ATR: variants seen among roughly 807,000 people sequenced by gnomAD.
ATR encodes the protein serine/threonine-protein kinase ATR.
In ATR, 142 loss-of-function variants were observed where a neutral mutation model predicts 305.3. The observed-to-expected ratio is 0.47, with a 90% CI of 0.41 to 0.53. ATR has a LOEUF of 0.53. Among genes scored for constraint, ATR ranks in the 20% least tolerant of loss-of-function variants. ATR has a pLI of 0.00. For missense variants in ATR, 2,135 were observed against 3,133.1 expected, an observed-to-expected ratio of 0.68 and a Z score of 7.60; for synonymous variants, 1,050 against 1,068.1, an observed-to-expected ratio of 0.98 and a Z score of 0.33.
At position 142,496,390 on chromosome 3, in the gene ATR, C is replaced by T. The variant is rs753319463; in HGVS notation, c.5869G>A (p.Val1957Met). The change falls in exon 34 of 47, where the codon GTG (valine) becomes ATG (methionine). Residue 1957 changes from valine to methionine, a missense_variant. Coordinates refer to ENST00000350721, the MANE Select transcript of ATR (RefSeq NM_001184.4). ...GACCAGAGCCACTTTGCCCTTTCCA[C>T]GTACAGTTCAGCGAGTCGTGATTCC... ...AGESRLAELYVERAKWLWSKG... is the reference protein window; with the variant it reads ...AGESRLAELYMERAKWLWSKG... 3.1e-5 allele frequency: 49 copies of T among 1,586,330 alleles called. 2 individuals carry two copies. Among genetic ancestry groups the T allele is most frequent in the South Asian group, 2.8e-4 (25 of 90,416 alleles).
intron 44 of ATR, among the ~76,000 whole-genome samples, chr3:142,458,219 A>G (rs931198726): frequency 6.6e-5 from 10 of 152,222 alleles, no homozygotes; most frequent in Non-Finnish European, 1.0e-4. Context: ...CATATAATGA[A>G]GTCCAGTTGT....
At chr3:142,505,011 T>G in intron 29 of ATR, 128 bp downstream of exon 29, 1 of 1,193,234 alleles carries the variant, frequency 8.4e-7, no homozygotes, top group Non-Finnish European at 1.2e-6. Flanking sequence ...GCCACTGCAC[T>G]CCAGCCTGGC....
intron 19 of ATR, among the ~76,000 whole-genome samples, chr3:142,537,076 T>C (rs2033886425): frequency 6.6e-6 from 1 of 152,108 alleles, no homozygotes; most frequent in African/African-American, 2.4e-5. Context: ...ACTCTGCTAG[T>C]CACTGGGGAT....
chr3:142,482,196 A>T (rs75755341), intron 36 of ATR, among the ~76,000 whole-genome samples: 10,433 of 152,102 alleles, frequency 0.069, 880 homozygotes, highest in African/African-American at 0.2. Context: ...AAGGTTTCTA[A>T]CCCTAATTGG....
intron 6 of ATR, among the ~76,000 whole-genome samples, chr3:142,559,865 C>CGG (rs2034813795): frequency 1.3e-5 from 2 of 152,184 alleles, no homozygotes; most frequent in South Asian, 4.1e-4. Context: ...CACTGTGCAC[C>CGG]AGCCTGGGAG....
chr3:142,553,732 G>A lies in ATR; in HGVS notation c.2541C>T (p.Val847=), dbSNP rs752079393. The A allele has an allele frequency of 6.2e-7, 1 of 1,612,112 alleles. No individual in the cohort carries two copies. Among genetic ancestry groups the A allele is most frequent in the Middle Eastern group, 1.7e-4 (1 of 6,056 alleles). Residue 847 remains valine, a synonymous_variant, in exon 12 of 47, where the codon GTC becomes GTT. Coordinates refer to ENST00000350721, the MANE Select transcript of ATR (RefSeq NM_001184.4). ...SEDGFIKELF[V]LRMKEAYTHA... ...GTGTATATGCTTCCTTCATTCTTAAGACAAAAAGCTAGAACAATAAAATTA... is the reference window on the plus strand; with the variant it reads ...GTGTATATGCTTCCTTCATTCTTAAAACAAAAAGCTAGAACAATAAAATTA...
At chr3:142,472,085 TTGTGTG>T (rs34342996) in intron 36 of ATR, 19,438 of 144,132 alleles carry the variant, frequency 0.13, 1,279 homozygotes, top group Non-Finnish European at 0.15. Flanking sequence ...TAGTATTCCA[TTGTGTG>T]TGTGTGTGTG....
chr3:142,460,450 T>C (rs1189740959), intron 42 of ATR, among the ~76,000 whole-genome samples: 3 of 151,824 alleles, frequency 2.0e-5, no homozygotes, highest in South Asian at 2.1e-4. Context: ...TATGAGAAAA[T>C]AGAGACACAG....
intron 36 of ATR, among the ~76,000 whole-genome samples, chr3:142,481,973 C>T (rs1318542058): frequency 1.3e-5 from 2 of 151,924 alleles, no homozygotes; most frequent in East Asian, 1.9e-4. Context: ...CAGGTGTGCA[C>T]CACCATGCCT....
At chr3:142,531,716 A>T (rs1469466691) in intron 21 of ATR, among the ~76,000 whole-genome samples, 1 of 152,160 alleles carries the variant, frequency 6.6e-6, no homozygotes, top group Non-Finnish European at 1.5e-5. Context: ...CAATAAACAT[A>T]TGTGTGCATG....
At chr3:142,528,792 C>T (rs370328061) in intron 21 of ATR, among the ~76,000 whole-genome samples, 6 of 125,246 alleles carry the variant, frequency 4.8e-5, no homozygotes, top group South Asian at 4.9e-4. Context: ...TATCCTGTTT[C>T]GTGTTTAAAA....
At chr3:142,457,540 A>G (rs2070932842) in intron 45 of ATR, 64 bp downstream of exon 45, 3 of 1,599,314 alleles carry the variant, frequency 1.9e-6, no homozygotes, top group Non-Finnish European at 2.6e-6. Flanking sequence ...AAACAAACAT[A>G]TGTAGGGGCC....
chr3:142,462,149 A>T, intron 41 of ATR, 59 bp from the exon 42 acceptor site: 8 of 1,456,812 alleles, frequency 5.5e-6, no homozygotes, highest in Non-Finnish European at 7.6e-6. Flanking sequence ...TCTAAATGTT[A>T]TATCAAATAT....
Position 142,483,094 on chromosome 3 carries a change from G to T in ATR, c.6221+2046C>A, listed in dbSNP as rs147181794. The stretch of plus-strand genomic sequence containing the variant: ...AATCACAGCTCACCACTGCCTTGAC[G>T]TCCCAGGTTCAGGTAATCCTCCCAC... On this transcript the variant is annotated intron_variant, in intron 36 of 46. Transcript: ENST00000350721. Among the ~76,000 whole-genome samples the T allele has an allele frequency of 2.0e-3, 289 of 147,382 alleles. 1 individual carries two copies. The highest frequency in any genetic ancestry group is 7.0e-3 in the African/African-American group (279 of 39,856).
intron 13 of ATR, among the ~76,000 whole-genome samples, chr3:142,550,754 A>G (rs1186666472): frequency 6.6e-6 from 1 of 152,168 alleles, no homozygotes; most frequent in African/African-American, 2.4e-5. Context: ...CAGTTATAGT[A>G]AATAAACTAT....
chr3:142,484,230 C>T (rs2030753177), intron 36 of ATR, among the ~76,000 whole-genome samples: 1 of 152,170 alleles, frequency 6.6e-6, no homozygotes, highest in Non-Finnish European at 1.5e-5. Flanking sequence ...GGAAGGAATG[C>T]TACATAGAAA....
intron 16 of ATR, among the ~76,000 whole-genome samples, chr3:142,543,155 C>A (rs60785103): frequency 0.042 from 6,337 of 152,092 alleles, 440 homozygotes; most frequent in African/African-American, 0.14. Context: ...ACATTTAGAG[C>A]TATGGTAGAA....
rs1258899174 is a variant in ATR at position 142,538,530 on chromosome 3, T to G, written c.3677A>C (p.Gln1226Pro). The change falls in exon 19 of 47, where the codon CAG becomes CCG. Residue 1226 changes from glutamine to proline, a missense_variant. Physicochemically the swap from Gln to Pro is moderately conservative, Grantham distance 76. Coordinates refer to ENST00000350721, the MANE Select transcript of ATR (RefSeq NM_001184.4). ...GAAGATAGCTGCAGTTTCTTTAGGC[T>G]GGATGTGTATAAGAGGTAACAAAGC... Reference protein sequence around the residue: ...IVALLPLIHIQPKETAAIFHY... With the variant: ...IVALLPLIHIPPKETAAIFHY... 6.2e-7 allele frequency: 1 copy of G among 1,613,340 alleles called. No homozygotes were observed. The highest frequency in any genetic ancestry group is 8.5e-7 in the Non-Finnish European group (1 of 1,179,556).
chr3:142,519,609 G>A (rs2033056202), intron 24 of ATR, 60 bp downstream of exon 24: 38 of 1,432,620 alleles, frequency 2.7e-5, no homozygotes, highest in Middle Eastern at 2.1e-4. Context: ...CAAAAAAATC[G>A]CATTATTTTT....
Sources: gnomAD v4.1 joint callset for allele counts (sites outside exome capture counted in the v4.1 genomes callset) on GRCh38, gnomAD v4.1.1 for gene constraint, MANE v1.5 for transcripts, NCBI Gene and HGNC (gene_info 2026-07-23, HGNC 2026-07-21) for gene names.